Variants in MLIP observed in about 807,000 individuals in gnomAD.
The protein encoded by MLIP is muscular LMNA interacting protein, also known as muscular LMNA-interacting protein.
In MLIP, 79 loss-of-function variants were observed where a neutral mutation model predicts 84.8. That is an observed-to-expected ratio of 0.93 (90% CI 0.78 to 1.12). The LOEUF is 1.12. MLIP is among the 50% of genes most tolerant of loss of function. The pLI is 0.00. For missense variants in MLIP, 1,257 were observed against 1,160.6 expected (o/e 1.08, Z -1.21); for synonymous variants, 504 against 463.0 (o/e 1.09, Z -1.14).
intron 1 of MLIP, among the ~76,000 whole-genome samples, chr6:54,119,676 A>G (rs1582190446): frequency 6.6e-6 from 1 of 152,342 alleles, no homozygotes; most frequent in East Asian, 1.9e-4. Context: ...TGAAAAATGC[A>G]AAGATAATAG....
At chr6:54,182,152 T>TA (rs1776940276) in intron 9 of MLIP, among the ~76,000 whole-genome samples, 1 of 152,172 alleles carries the variant, frequency 6.6e-6, no homozygotes, top group Non-Finnish European at 1.5e-5. Context: ...CACTTTTGCC[T>TA]ATGGTGGTGA....
At chr6:54,056,714 G>A (rs541840818) in intron 1 of MLIP, among the ~76,000 whole-genome samples, 6 of 152,218 alleles carry the variant, frequency 3.9e-5, no homozygotes, top group East Asian at 3.9e-4. Flanking sequence ...TATCCACATC[G>A]ATGTACAATT....
chr6:54,262,162 C>A (rs539433891), intron 13 of MLIP, among the ~76,000 whole-genome samples: 3 of 152,070 alleles, frequency 2.0e-5, no homozygotes, highest in East Asian at 3.9e-4. Flanking sequence ...AGCCCCCAAC[C>A]TGTGTTGGGG....
At chr6:54,219,027 C>T (rs2150765509) in intron 11 of MLIP, among the ~76,000 whole-genome samples, 1 of 151,274 alleles carries the variant, frequency 6.6e-6, no homozygotes, top group Non-Finnish European at 1.5e-5. Flanking sequence ...CATGGTGAAA[C>T]CCTGTCTCTA....
chr6:54,193,804 G>T (rs1210476543), intron 10 of MLIP, among the ~76,000 whole-genome samples: 1 of 152,082 alleles, frequency 6.6e-6, no homozygotes, highest in Non-Finnish European at 1.5e-5. Context: ...TAGGGTCTGC[G>T]TTAAACCTTC....
intron 11 of MLIP, among the ~76,000 whole-genome samples, chr6:54,225,839 T>A (rs1316803749): frequency 1.3e-5 from 2 of 152,172 alleles, no homozygotes; most frequent in Non-Finnish European, 2.9e-5. Context: ...TCCTTCCCAA[T>A]ATTTCCTTAA....
rs141728247 is a variant in MLIP at position 54,048,878 on chromosome 6, T to C, written c.63+29787T>C. On this transcript the variant is annotated intron_variant, in intron 1 of 12. Coordinates refer to the MLIP transcript ENST00000274897. ...GAAATTTCTAAGTAAGAGTTGAATT[T>C]TTGGTGTTTGCAACCTACTCCTCAA... 1.3e-4 allele frequency among the ~76,000 whole-genome samples: 20 copies of C among 152,176 alleles called. No homozygotes were observed. In the East Asian group the frequency reaches 3.9e-3, roughly 29 times the overall value.
At chr6:54,155,734 T>C (rs1167164791) in intron 5 of MLIP, among the ~76,000 whole-genome samples, 1 of 152,122 alleles carries the variant, frequency 6.6e-6, no homozygotes, top group Non-Finnish European at 1.5e-5. Context: ...TTTTTCATAG[T>C]TCTTGGCTCC....
Position 54,149,147 on chromosome 6 carries a change from C to A in MLIP, c.2289+20C>A. On this transcript the variant is annotated intron_variant, in intron 5 of 13. Transcript: ENST00000502396. ...CAGAAGGTCAGTGTTGGCTCAAAAA[C>A]AGTGAATTTTACATTTTTAATGTGA... 6.3e-7 allele frequency: 1 copy of A among 1,594,780 alleles called. No homozygotes were observed. Among genetic ancestry groups the A allele is most frequent in the African/African-American group, 1.3e-5 (1 of 74,402 alleles).
At chr6:54,025,100 C>T (rs909112232) in intron 1 of MLIP, among the ~76,000 whole-genome samples, 3 of 151,872 alleles carry the variant, frequency 2.0e-5, no homozygotes, top group Non-Finnish European at 4.4e-5. Flanking sequence ...CTGCCCGCCT[C>T]GGCCTCTCAA....
At chr6:54,203,826 T>TC (rs1389875731) in intron 11 of MLIP, 1 of 152,266 alleles carries the variant, frequency 6.6e-6, no homozygotes, top group Non-Finnish European at 1.5e-5. Context: ...CCTCAGGCGA[T>TC]CTGCCGGCCT....
At chr6:54,216,167 G>C in intron 11 of MLIP, 1 of 985,256 alleles carries the variant, frequency 1.0e-6, no homozygotes, top group Non-Finnish European at 1.2e-6. Flanking sequence ...AGACTTAAAT[G>C]TTTCTTGTTA....
chr6:54,161,065 G>C (rs974612810), intron 8 of MLIP, among the ~76,000 whole-genome samples: 9 of 151,754 alleles, frequency 5.9e-5, no homozygotes, highest in Non-Finnish European at 7.4e-5. Context: ...TGTGGGTCCA[G>C]TTCAAAACAG....
Position 54,138,137 on chromosome 6 carries a change from T to C in MLIP, c.2068T>C (p.Ser690Pro). 6.5e-7 allele frequency: 1 copy of C among 1,536,090 alleles called. No individual in the cohort carries two copies. The highest frequency in any genetic ancestry group is 1.4e-5 in the African/African-American group (1 of 73,158). Residue 690 changes from serine to proline, a missense_variant, in exon 4 of 14, where the codon TCA (serine) becomes CCA (proline). Ser to Pro is a moderately conservative substitution (Grantham distance 74). Transcript: ENST00000502396. ...HPHCGSGTLP[S>P]RLGKSESTTP... Reference sequence around the variant, plus strand: ...ACATTGCGGCAGTGGTACCTTGCCTTCAAGACTTGGGAAATCTGAAAGCAC... The same window carrying C: ...ACATTGCGGCAGTGGTACCTTGCCTCCAAGACTTGGGAAATCTGAAAGCAC...
In MLIP at chr6:54,210,645, G is replaced by A. The variant is rs1370147543; in HGVS notation, c.2718+8412G>A. On this transcript the variant is annotated intron_variant, in intron 11 of 13. Coordinates refer to ENST00000502396, the MANE Select transcript of MLIP (RefSeq NM_001281747.2). ...GGCAGCCAAGACTCTGAACTCTGCA[G>A]AAACATTTGTTTCACCCAGACTTCA... Among the ~76,000 whole-genome samples the A allele has an allele frequency of 4.3e-5, 6 of 140,380 alleles. No individual in the cohort carries two copies. The Admixed American group carries it at 4.6e-4, about 11-fold the overall frequency. 92.1% of individuals were successfully genotyped at this position (140,380 alleles called of 152,430 possible).
intron 12 of MLIP, among the ~76,000 whole-genome samples, chr6:54,239,168 A>G (rs9395917): frequency 0.32 from 47,909 of 151,448 alleles, 10,469 homozygotes; most frequent in African/African-American, 0.63. Flanking sequence ...AGAGCAGACT[A>G]TTCATCTCCT....
intron 1 of MLIP, among the ~76,000 whole-genome samples, chr6:54,060,169 T>C (rs1205740378): frequency 6.6e-6 from 1 of 152,206 alleles, no homozygotes; most frequent in Non-Finnish European, 1.5e-5. Flanking sequence ...CTGGAAAGTC[T>C]AGATACCTTC....
intron 11 of MLIP, among the ~76,000 whole-genome samples, chr6:54,223,125 T>C (rs1191888062): frequency 2.0e-5 from 3 of 152,026 alleles, no homozygotes; most frequent in Admixed American, 6.6e-5. Context: ...AATACATATA[T>C]TTTGGATGTT....
intron 1 of MLIP, chr6:54,046,572 G>A (rs1765066564): frequency 6.6e-6 from 1 of 152,072 alleles, no homozygotes; most frequent in Non-Finnish European, 1.5e-5. Flanking sequence ...TTGCACAACT[G>A]TTCCCTACAT....
Sources: allele counts gnomAD v4.1 joint callset (sites outside exome capture counted in the v4.1 genomes callset), GRCh38; gene constraint gnomAD v4.1.1; transcripts MANE v1.5; gene names NCBI Gene and HGNC (gene_info 2026-07-23, HGNC 2026-07-21).